The following CNTN4 variants were observed in gnomAD, a reference collection of about 807,000 sequenced individuals.
The protein encoded by CNTN4 is contactin-4.
A neutral mutation model predicts 122.5 loss-of-function variants in CNTN4; 77 were observed. The ratio of observed to expected loss-of-function variants is 0.63; its 90% CI spans 0.52 to 0.76. The LOEUF (loss-of-function observed/expected upper bound fraction) is 0.76, where lower values mean the gene tolerates loss of function less well. CNTN4 is among the 30% of genes least tolerant of loss of function. CNTN4 has a pLI of 0.00. For missense variants in CNTN4, 1,256 were observed against 1,259.1 expected, an observed-to-expected ratio of 1.00 and a Z score of 0.04; for synonymous variants, 512 against 447.0, an observed-to-expected ratio of 1.15 and a Z score of -1.83.
intron 2 of CNTN4, among the ~76,000 whole-genome samples, chr3:2,301,332 A>C: frequency 1.3e-5 from 2 of 152,326 alleles, no homozygotes; most frequent in Non-Finnish European, 2.9e-5. Flanking sequence ...CCATTTATTA[A>C]ACTATGAATA....
At position 2,269,914 on chromosome 3, in the gene CNTN4, G is replaced by GTTTATTTA. The variant is rs777408553; in HGVS notation, c.-144-69228_-144-69221dup. On this transcript the variant is annotated intron_variant, in intron 2 of 24. Coordinates refer to ENST00000418658, the MANE Select transcript of CNTN4 (RefSeq NM_175607.3). ...TTATAGCCAGTTTGTTTGTTTGTTT[G>GTTTATTTA]TTTATTTATTTATTTATTTATTTAT... Among the ~76,000 whole-genome samples the GTTTATTTA allele has an allele frequency of 3.8e-4, 21 of 54,798 alleles. 2 individuals carry two copies. Among genetic ancestry groups the GTTTATTTA allele is most frequent in the East Asian group, 1.4e-3 (3 of 2,148 alleles). The allele number at this position is 54,798 out of a possible 152,430, so 35.9% of individuals were successfully genotyped here. A position where few individuals can be genotyped will look rare whatever the true frequency, so the allele number is the denominator to read the frequency against.
intron 4 of CNTN4, among the ~76,000 whole-genome samples, chr3:2,720,869 C>G (rs2087807786): frequency 6.6e-6 from 1 of 152,202 alleles, no homozygotes; most frequent in Non-Finnish European, 1.5e-5. Context: ...GGCACAAAGT[C>G]TAAGTAACTC....
chr3:2,268,901 CT>C (rs980970153), intron 2 of CNTN4, among the ~76,000 whole-genome samples: 4 of 152,064 alleles, frequency 2.6e-5, no homozygotes, highest in African/African-American at 9.7e-5. Flanking sequence ...GTTTCTCCTC[CT>C]TTTTATATAT....
chr3:2,313,954 AGAAAT>A (rs2043004022), intron 2 of CNTN4, among the ~76,000 whole-genome samples: 1 of 152,070 alleles, frequency 6.6e-6, no homozygotes, highest in African/African-American at 2.4e-5. Context: ...TCTGCCTATA[AGAAAT>A]ATGATTATGC....
chr3:2,787,116 C>T (rs1392715998), intron 6 of CNTN4, among the ~76,000 whole-genome samples: 1 of 152,118 alleles, frequency 6.6e-6, no homozygotes, highest in Admixed American at 6.6e-5. Flanking sequence ...GTGGCTCATA[C>T]CTGTAAACCC....
intron 4 of CNTN4, among the ~76,000 whole-genome samples, chr3:2,645,669 C>A (rs1439933223): frequency 1.3e-5 from 2 of 152,132 alleles, no homozygotes; most frequent in Non-Finnish European, 2.9e-5. Flanking sequence ...GCATTCTTTA[C>A]AAAATCTACT....
chr3:2,280,350 G>T (rs1003133802), intron 2 of CNTN4, among the ~76,000 whole-genome samples: 1 of 152,134 alleles, frequency 6.6e-6, no homozygotes, highest in African/African-American at 2.4e-5. Context: ...TTGCTTGAAA[G>T]GTGATTATTA....
intron 3 of CNTN4, among the ~76,000 whole-genome samples, chr3:2,520,319 C>A (rs369814570): frequency 2.2e-4 from 26 of 119,450 alleles, no homozygotes; most frequent in African/African-American, 7.6e-4. Context: ...GTAGCCCAGG[C>A]TGGAGTGCAG....
At chr3:3,025,086 T>C (rs1698616431) in intron 14 of CNTN4, among the ~76,000 whole-genome samples, 1 of 152,180 alleles carries the variant, frequency 6.6e-6, no homozygotes, top group South Asian at 2.1e-4. Context: ...GAATTCAAAC[T>C]GCTTCTCACT....
intron 3 of CNTN4, among the ~76,000 whole-genome samples, chr3:2,555,138 A>C (rs1409222918): frequency 6.6e-6 from 1 of 152,230 alleles, no homozygotes; most frequent in Non-Finnish European, 1.5e-5. Context: ...ATATCTATAT[A>C]GATTGTCATA....
intron 4 of CNTN4, among the ~76,000 whole-genome samples, chr3:2,721,012 G>T (rs1478621096): frequency 6.6e-6 from 1 of 151,910 alleles, no homozygotes; most frequent in African/African-American, 2.4e-5. Flanking sequence ...TTGCTCTGTT[G>T]ACCAGGCTGG....
At position 2,755,645 on chromosome 3, in the gene CNTN4, A is replaced by G. The variant is rs2090301459; in HGVS notation, c.358+9948A>G. Among the ~76,000 whole-genome samples, 6 of 152,354 alleles carry G rather than the reference A, an allele frequency of 3.9e-5. No individual in the cohort carries two copies. The South Asian group carries it at 1.0e-3, about 26-fold the overall frequency. On this transcript the variant is annotated intron_variant, in intron 6 of 24. Coordinates refer to ENST00000418658, the MANE Select transcript of CNTN4 (RefSeq NM_175607.3). ...TAATTGTAGCTATTATTAATAGTTT[A>G]TTATGTATACTTTCTTTTGGTCATC... is the stretch of plus-strand genomic sequence containing the variant.
At chr3:2,224,264 T>C (rs1013829619) in intron 2 of CNTN4, among the ~76,000 whole-genome samples, 5 of 152,158 alleles carry the variant, frequency 3.3e-5, no homozygotes, top group African/African-American at 9.7e-5. Flanking sequence ...GTCCTGAGCC[T>C]CAACAATAGG....
chr3:2,755,906 T>C (rs1326403483), intron 6 of CNTN4, among the ~76,000 whole-genome samples: 2 of 152,178 alleles, frequency 1.3e-5, no homozygotes, highest in Non-Finnish European at 2.9e-5. Flanking sequence ...TACTAAAATA[T>C]CACTCCTTTT....
At chr3:2,606,486 G>A (rs540401054) in intron 4 of CNTN4, among the ~76,000 whole-genome samples, 13 of 152,140 alleles carry the variant, frequency 8.5e-5, no homozygotes, top group South Asian at 4.1e-4. Context: ...CATGTATCCC[G>A]GAACTTAAAA....
chr3:2,651,042 A>C (rs112760022), intron 4 of CNTN4, among the ~76,000 whole-genome samples: 1 of 152,224 alleles, frequency 6.6e-6, no homozygotes, highest in African/African-American at 2.4e-5. Context: ...GAACGCAAGG[A>C]TATTAACATC....
intron 18 of CNTN4, 94 bp from the exon 19 acceptor site, chr3:3,038,839 C>T (rs73805608): frequency 1.1e-6 from 1 of 940,508 alleles, no homozygotes; most frequent in East Asian, 2.4e-5. Context: ...CCTCAGAGTA[C>T]TCACTGAAAG....
intron 14 of CNTN4, among the ~76,000 whole-genome samples, chr3:3,024,473 C>G (rs1260904217): frequency 1.3e-5 from 2 of 150,122 alleles, no homozygotes; most frequent in Non-Finnish European, 3.0e-5. Context: ...ATTATGTAGT[C>G]CTCAAAAGCC....
chr3:2,800,336 C>T (rs146570302), intron 6 of CNTN4, among the ~76,000 whole-genome samples: 6 of 151,966 alleles, frequency 3.9e-5, no homozygotes, highest in South Asian at 4.1e-4. Context: ...TAATTTTTTT[C>T]GGGTCTAGAC....
Sources: allele counts gnomAD v4.1 joint callset (sites outside exome capture counted in the v4.1 genomes callset), GRCh38; gene constraint gnomAD v4.1.1; transcripts MANE v1.5; gene names NCBI Gene and HGNC (gene_info 2026-07-23, HGNC 2026-07-21).